The following CYTL1 variants were observed in gnomAD, a reference collection of about 807,000 sequenced individuals.
The protein encoded by CYTL1 is cytokine like 1.
In CYTL1, 17 loss-of-function variants were observed where a neutral mutation model predicts 13.1. The ratio of observed to expected loss-of-function variants is 1.29; its 90% CI spans 0.89 to 1.94. CYTL1 has a LOEUF of 1.94. Among genes scored for constraint, CYTL1 ranks in the 30% most tolerant of loss-of-function variants. CYTL1 has a pLI of 0.00. For missense variants in CYTL1, 213 were observed against 174.8 expected, an observed-to-expected ratio of 1.22 and a Z score of -1.23; for synonymous variants, 91 against 79.4, an observed-to-expected ratio of 1.15 and a Z score of -0.78.
chr4:5,018,971 C>T (rs990458186), intron 1 of CYTL1, among the ~76,000 whole-genome samples: 3 of 151,388 alleles, frequency 2.0e-5, no homozygotes, highest in Non-Finnish European at 4.4e-5. Context: ...TGTTTTTCTC[C>T]CCATCCTCCC....
At chr4:5,019,003 CTTTTTTTT>C (rs1186542271) in intron 1 of CYTL1, among the ~76,000 whole-genome samples, 3 of 89,616 alleles carry the variant, frequency 3.3e-5, no homozygotes, top group African/African-American at 1.3e-4. Flanking sequence ...TTTCTTTTTT[CTTTTTTTT>C]TTTTTTTTTT....
rs758565080 is a variant in CYTL1, at chr4:5,016,922, G to T, written c.241C>A (p.Pro81Thr). The change falls in exon 3 of 4, where the codon CCC becomes ACC. Residue 81 changes from proline to threonine, a missense_variant. Pro to Thr is a conservative substitution (Grantham distance 38). Transcript: ENST00000307746. Reference protein sequence around the residue: ...LDKLRDFVASPPCWKVAQVDS... With the variant: ...LDKLRDFVASTPCWKVAQVDS... ...ACCTGGGCCACTTTCCAACACGGGG[G>T]CGAGGCCACAAAGTCCCGCAGCTTG... is the stretch of plus-strand genomic sequence containing the variant. 6.2e-7 allele frequency: 1 copy of T among 1,614,160 alleles called. No individual in the cohort carries two copies. Among genetic ancestry groups the T allele is most frequent in the Non-Finnish European group, 8.5e-7 (1 of 1,180,040 alleles).
Position 5,019,309 on chromosome 4 carries a change from T to G in CYTL1, c.137A>C (p.Gln46Pro), listed in dbSNP as rs775069576. ...QEITRDFNLL[Q>P]VSEPSEPCVR... is the part of the protein sequence containing the mutation. ...GGGACTCACCGAGGGCTCCGAGACC[T>G]GCAGGAGGTTGAAGTCGCGGGTGAT... The change falls in exon 1 of 4, where the codon CAG (glutamine) becomes CCG (proline). Residue 46 changes from glutamine to proline, a missense_variant. By Grantham distance (76) the Gln-to-Pro change is moderately conservative. Transcript: ENST00000307746. 6.6e-7 allele frequency: 1 copy of G among 1,505,728 alleles called. No homozygotes were observed. The highest frequency in any genetic ancestry group is 1.3e-5 in the South Asian group (1 of 76,698). 93.3% of individuals were successfully genotyped at this position (1,505,728 alleles called of 1,614,324 possible). A position where few individuals can be genotyped will look rare whatever the true frequency, so the allele number is the denominator to read the frequency against.
At position 5,015,078 on chromosome 4, in the gene CYTL1, G is replaced by T; in HGVS notation, c.*73C>A. On this transcript the variant is annotated 3_prime_UTR_variant, in exon 4 of 4. Coordinates refer to ENST00000307746, the MANE Select transcript of CYTL1 (RefSeq NM_018659.3). ...TAACACAAGACCTGTGAGGGTCATG[G>T]CTCTGGCCCATTAAGTCTGGGTAGC... The T allele has an allele frequency of 3.3e-6, 4 of 1,210,882 alleles. No individual in the cohort carries two copies. The highest frequency in any genetic ancestry group is 4.9e-6 in the Non-Finnish European group (4 of 818,336). 75.0% of individuals were successfully genotyped at this position (1,210,882 alleles called of 1,614,324 possible). A position where few individuals can be genotyped will look rare whatever the true frequency, so the allele number is the denominator to read the frequency against.
At chr4:5,018,573 A>C (rs1741127922) in intron 1 of CYTL1, among the ~76,000 whole-genome samples, 1 of 152,226 alleles carries the variant, frequency 6.6e-6, no homozygotes, top group Non-Finnish European at 1.5e-5. Context: ...TTCGACGGAG[A>C]AGCAGGCAGA....
intron 1 of CYTL1, 114 bp downstream of exon 1, chr4:5,019,179 T>C (rs574001309): frequency 4.4e-5 from 43 of 987,012 alleles, no homozygotes; most frequent in Non-Finnish European, 5.5e-5. Context: ...TTACATTTAC[T>C]AGAAAAGAAA....
chr4:5,017,154 C>T lies in CYTL1; in HGVS notation c.179G>A (p.Arg60Lys), dbSNP rs1293196134. The change falls in exon 2 of 4, where the codon AGG (arginine) becomes AAG (lysine). Residue 60 changes from arginine to lysine, a missense_variant. By Grantham distance (26) the Arg-to-Lys change is conservative. Coordinates refer to ENST00000307746, the MANE Select transcript of CYTL1 (RefSeq NM_018659.3). ...PSEPCVRYLP[R>K]LYLDIHNYCV... ...TCTTACGTGTATGTCCAGGTACAGC[C>T]TGGGCAGGTATCTCACACATGGCTC... The T allele has an allele frequency of 4.3e-6, 7 of 1,614,064 alleles. No homozygotes were observed. Among genetic ancestry groups the T allele is most frequent in the Non-Finnish European group, 5.9e-6 (7 of 1,179,984 alleles).
At chr4:5,015,813 A>G (rs1210708403) in intron 3 of CYTL1, among the ~76,000 whole-genome samples, 1 of 152,062 alleles carries the variant, frequency 6.6e-6, no homozygotes, top group Non-Finnish European at 1.5e-5. Context: ...ATATTTAGTC[A>G]CTCTACTAGG....
At chr4:5,017,302 G>A (rs28652843) in intron 1 of CYTL1, 123 bp from the exon 2 acceptor site, 117,226 of 802,012 alleles carry the variant, frequency 0.15, 9,282 homozygotes, top group Middle Eastern at 0.22. Context: ...CTGATGCTAC[G>A]ACATGCACAG....
chr4:5,017,297 G>C, intron 1 of CYTL1, 118 bp from the exon 2 acceptor site: 1 of 854,586 alleles, frequency 1.2e-6, no homozygotes, highest in Non-Finnish European at 1.8e-6. Context: ...CCTCCCTGAT[G>C]CTACGACATG....
intron 1 of CYTL1, 134 bp downstream of exon 1, chr4:5,019,159 C>T (rs919574452): frequency 1.5e-5 from 12 of 801,018 alleles, no homozygotes; most frequent in Non-Finnish European, 1.7e-5. Context: ...AACACAAATA[C>T]TCCTGAGATT....
rs1443212270 is a variant in CYTL1 at position 5,017,176 on chromosome 4, GC to G, written c.156del (p.Glu52AspfsTer4). 2 of 1,613,812 alleles carry G rather than the reference GC, an allele frequency of 1.2e-6. No homozygotes were observed. The highest frequency in any genetic ancestry group is 3.3e-5 in the Admixed American group (2 of 59,972). On this transcript the variant is annotated frameshift_variant and splice_region_variant, in exon 2 of 4. Transcript: ENST00000307746. LOFTEE classifies it high-confidence loss of function. Reference protein sequence around the residue: ...FNLLQVSEPSEPCVRYLPRLY... With the variant: ...FNLLQVSEPSXPCVRYLPRLY... Reference sequence around the variant, plus strand: ...AGCCTGGGCAGGTATCTCACACATGGCTCCTGTGGAAAGGGATAAGGGGTTC... The same window carrying G: ...AGCCTGGGCAGGTATCTCACACATGGTCCTGTGGAAAGGGATAAGGGGTTC...
At chr4:5,017,267 C>T (rs1560117760) in intron 1 of CYTL1, 88 bp from the exon 2 acceptor site, 1 of 1,309,528 alleles carries the variant, frequency 7.6e-7, no homozygotes, top group Non-Finnish European at 1.1e-6. Context: ...AACAGCCAGA[C>T]CAGCCCAGAT....
chr4:5,015,686 G>A (rs531353975), intron 3 of CYTL1, among the ~76,000 whole-genome samples: 54 of 152,306 alleles, frequency 3.5e-4, no homozygotes, highest in African/African-American at 1.2e-3. Context: ...GAAACTGGGT[G>A]TGGGGGAAAA....
chr4:5,017,951 T>A (rs1741114015), intron 1 of CYTL1, among the ~76,000 whole-genome samples: 1 of 152,176 alleles, frequency 6.6e-6, no homozygotes, highest in Admixed American at 6.5e-5. Flanking sequence ...GTTGTGAAAT[T>A]AGAGATTTAG....
rs115368053 is a variant in CYTL1, at chr4:5,015,021, G to A, written c.*130C>T. 752 of 795,592 alleles carry A rather than the reference G, an allele frequency of 9.5e-4. 5 individuals are homozygous for A. In the African/African-American group the frequency reaches 9.9e-3, roughly 11 times the overall value. 49.3% of individuals were successfully genotyped at this position (795,592 alleles called of 1,614,324 possible). A position where few individuals can be genotyped will look rare whatever the true frequency, so the allele number is the denominator to read the frequency against. On this transcript the variant is annotated 3_prime_UTR_variant, in exon 4 of 4. Coordinates refer to ENST00000307746, the MANE Select transcript of CYTL1 (RefSeq NM_018659.3). ...GAATACCAGCCCTGTTTTCCAGAAG[G>A]TAGAGAGATACATAACAGTTTCAGA...
chr4:5,019,261 G>A (rs762659606), intron 1 of CYTL1, 32 bp downstream of exon 1: 50 of 1,410,728 alleles, frequency 3.5e-5, no homozygotes, highest in Non-Finnish European at 4.5e-5. Context: ...GGTCTGCCAT[G>A]CACCCCTGTC....
intron 1 of CYTL1, among the ~76,000 whole-genome samples, chr4:5,018,201 TACAC>T (rs541050159): frequency 2.0e-5 from 3 of 151,544 alleles, no homozygotes; most frequent in Non-Finnish European, 4.4e-5. Context: ...AAATTTTGTT[TACAC>T]ACACACACAC....
intron 1 of CYTL1, among the ~76,000 whole-genome samples, chr4:5,017,389 C>T (rs1008158363): frequency 6.6e-6 from 1 of 152,200 alleles, no homozygotes; most frequent in African/African-American, 2.4e-5. Flanking sequence ...TAGAATACAA[C>T]TTTTATATCA....
Sources: allele counts gnomAD v4.1 joint callset (sites outside exome capture counted in the v4.1 genomes callset), GRCh38; gene constraint gnomAD v4.1.1; transcripts MANE v1.5; gene names NCBI Gene and HGNC (gene_info 2026-07-23, HGNC 2026-07-21).